The following GOLGA8H variants were observed in gnomAD, a reference collection of about 807,000 sequenced individuals.
GOLGA8H encodes golgin subfamily A member 8H.
GOLGA8H carries 47 observed loss-of-function variants against 82.7 expected under a neutral mutation model. That is an observed-to-expected ratio of 0.57 (90% CI 0.45 to 0.73). The LOEUF is 0.73. GOLGA8H is among the 30% of genes least tolerant of loss of function. The pLI is 0.00. For synonymous variants in GOLGA8H, 108 were observed against 241.6 expected, an observed-to-expected ratio of 0.45 and a Z score of 5.13; for missense variants, 372 against 661.0, an observed-to-expected ratio of 0.56 and a Z score of 4.79.
In GOLGA8H at chr15:30,616,105, G is replaced by T. The variant is rs1288251548; in HGVS notation, c.*1544G>T. On this transcript the variant is annotated 3_prime_UTR_variant, in exon 19 of 19. Coordinates refer to ENST00000566740, the MANE Select transcript of GOLGA8H (RefSeq NM_001282490.2). ...GGGACATATTTTGTGCGATATTTAT[G>T]TGATTGTGCCTATGCATGATGAATG... 1.3e-5 allele frequency among the ~76,000 whole-genome samples: 2 copies of T among 151,974 alleles called. No homozygotes were observed. The highest frequency in any genetic ancestry group is 2.9e-5 in the Non-Finnish European group (2 of 67,992).
chr15:30,606,588 G>C (rs554585883), intron 2 of GOLGA8H, among the ~76,000 whole-genome samples: 12 of 151,874 alleles, frequency 7.9e-5, no homozygotes, highest in Admixed American at 7.2e-4. Context: ...CCCAGGATAT[G>C]GTTTGATTTT....
rs768125745 is a variant in GOLGA8H at position 30,612,614 on chromosome 15, C to T, written c.1218C>T (p.Ala406=). 10 of 1,593,986 alleles carry T rather than the reference C, an allele frequency of 6.3e-6. No homozygotes were observed. The highest frequency in any genetic ancestry group is 8.5e-6 in the Non-Finnish European group (10 of 1,174,840). Residue 406 remains alanine (A), a synonymous_variant, in exon 14 of 19, where the codon GCC becomes GCT. Coordinates refer to ENST00000566740, the MANE Select transcript of GOLGA8H (RefSeq NM_001282490.2). ...EKLGEEHLEA[A]SQQNQQLTAQ... ...CCCCTTAGGAGCACCTGGAAGCTGC[C>T]AGCCAGCAGAACCAGCAGCTAACGG...
chr15:30,610,521 C>T (rs1012623141), intron 11 of GOLGA8H, 132 bp downstream of exon 11: 58 of 654,284 alleles, frequency 8.9e-5, no homozygotes, highest in Middle Eastern at 4.2e-4. Flanking sequence ...TGCCAGGAGA[C>T]GGCGAGTCTT....
At chr15:30,606,025 T>C in intron 2 of GOLGA8H, 63 bp downstream of exon 2, 4 of 1,552,160 alleles carry the variant, frequency 2.6e-6, no homozygotes, top group Non-Finnish European at 3.5e-6. Context: ...AGGGTAATTC[T>C]TAAGATTGTG....
rs2060090021 is a variant in GOLGA8H at position 30,615,162 on chromosome 15, G to A, written c.*601G>A. On this transcript the variant is annotated 3_prime_UTR_variant, in exon 19 of 19. Coordinates refer to ENST00000566740, the MANE Select transcript of GOLGA8H (RefSeq NM_001282490.2). ...CATTTTCTGTGTATTGGTGATGGGA[G>A]TGATAACCTTTTGGGGGAGCTTTTT... 6.6e-6 allele frequency among the ~76,000 whole-genome samples: 1 copy of A among 151,932 alleles called. No homozygotes were observed. Among genetic ancestry groups the A allele is most frequent in the South Asian group, 2.1e-4 (1 of 4,822 alleles).
chr15:30,606,436 A>T (rs891929337), intron 2 of GOLGA8H, among the ~76,000 whole-genome samples: 2 of 151,006 alleles, frequency 1.3e-5, no homozygotes, highest in African/African-American at 2.5e-5. Context: ...GCAAGTTGCT[A>T]GACCTCATCG....
chr15:30,609,771 C>T, intron 8 of GOLGA8H, 35 bp from the exon 9 acceptor site: 3 of 1,547,784 alleles, frequency 1.9e-6, no homozygotes, highest in South Asian at 1.1e-5. Context: ...TGCCCAGGCT[C>T]TCCAGATTGA....
intron 3 of GOLGA8H, 30 bp downstream of exon 3, chr15:30,606,944 CCCTT>C: frequency 6.5e-7 from 1 of 1,547,484 alleles, no homozygotes. Context: ...GGTGCAGTGA[CCCTT>C]CGGGTCAACC....
In GOLGA8H at chr15:30,605,894, AG is replaced by A. The variant is rs757577426; in HGVS notation, c.102del (p.Asn35ThrfsTer38). 2 of 1,587,626 alleles carry A rather than the reference AG, an allele frequency of 1.3e-6. No individual in the cohort carries two copies. Among genetic ancestry groups the A allele is most frequent in the Non-Finnish European group, 8.5e-7 (1 of 1,173,080 alleles). On this transcript the variant is annotated frameshift_variant, in exon 2 of 19. Coordinates refer to ENST00000566740, the MANE Select transcript of GOLGA8H (RefSeq NM_001282490.2). LOFTEE classifies it high-confidence loss of function. ...CCCTAGAGTTCCAGCAGGAGCGAAC[AG>A]GAACAGGAAAACAAATGGCAGTGTC... Reference protein sequence around the residue: ...NSPRVPAGANRNRKTNGSVPE... With the variant: ...NSPRVPAGANXNRKTNGSVPE...
In GOLGA8H at chr15:30,605,954, C is replaced by G. The variant is rs1040482096; in HGVS notation, c.160C>G (p.Pro54Ala). ...AGCCACTTCTGGTGGTTGCCAGCCA[C>G]CTGGGGATGTGAGTCTTGGCTGACC... is the stretch of plus-strand genomic sequence containing the variant. Reference protein sequence around the residue: ...EKATSGGCQPPGDSATGFHRE... With the variant: ...EKATSGGCQPAGDSATGFHRE... The change falls in exon 2 of 19, where the codon CCT becomes GCT. Residue 54 changes from proline (P) to alanine (A), a missense_variant. Pro to Ala is a conservative substitution (Grantham distance 27). Coordinates refer to ENST00000566740, the MANE Select transcript of GOLGA8H (RefSeq NM_001282490.2). 4.4e-6 allele frequency: 7 copies of G among 1,596,536 alleles called. No homozygotes were observed. Among genetic ancestry groups the G allele is most frequent in the Non-Finnish European group, 4.2e-6 (5 of 1,177,180 alleles).
intron 15 of GOLGA8H, chr15:30,613,462 C>G (rs545030433): frequency 1.8e-5 from 2 of 109,678 alleles, no homozygotes; most frequent in East Asian, 4.2e-4. Context: ...TGGCATTTTT[C>G]AAGTCCGCTG....
At chr15:30,606,129 C>T (rs143536437) in intron 2 of GOLGA8H, among the ~76,000 whole-genome samples, 167 bp downstream of exon 2, 33,895 of 151,330 alleles carry the variant, frequency 0.22, 4,595 homozygotes, top group Non-Finnish European at 0.27. Context: ...CCAAGGCAGG[C>T]GGATCATGAG....
At position 30,608,520 on chromosome 15, in the gene GOLGA8H, C is replaced by G. The variant is rs2059961938; in HGVS notation, c.450C>G (p.Tyr150Ter). 2.5e-6 allele frequency: 4 copies of G among 1,610,758 alleles called. No homozygotes were observed. Among genetic ancestry groups the G allele is most frequent in the Non-Finnish European group, 3.4e-6 (4 of 1,179,596 alleles). The change falls in exon 7 of 19, where the codon TAC becomes TAG. Residue 150 changes from tyrosine to a stop codon, truncating the protein, a stop_gained. Transcript: ENST00000566740. LOFTEE classifies it high-confidence loss of function. Reference protein sequence around the residue: ...IQKGKLNTDLYHMKRSLRYFE... With the variant: ...IQKGKLNTDL ...AAGGGAAACTAAATACGGACCTGTACCACATGAAACGTTCTCTCAGATACT... is the reference window on the plus strand; with the variant it reads ...AAGGGAAACTAAATACGGACCTGTAGCACATGAAACGTTCTCTCAGATACT...
In GOLGA8H at chr15:30,616,050, A is replaced by G. The variant is rs893955059; in HGVS notation, c.*1489A>G. Reference sequence around the variant, plus strand: ...CTCACAGACTTCTTTACAAAGTGAAATATGTTTTTGTACCTCTGGGTTTCT... The same window carrying G: ...CTCACAGACTTCTTTACAAAGTGAAGTATGTTTTTGTACCTCTGGGTTTCT... On this transcript the variant is annotated 3_prime_UTR_variant, in exon 19 of 19. Coordinates refer to ENST00000566740, the MANE Select transcript of GOLGA8H (RefSeq NM_001282490.2). 3.9e-5 allele frequency among the ~76,000 whole-genome samples: 6 copies of G among 151,902 alleles called. No homozygotes were observed. The highest frequency in any genetic ancestry group is 1.2e-4 in the African/African-American group (5 of 41,358).
chr15:30,606,769 G>T (rs2140815041), intron 2 of GOLGA8H, 86 bp from the exon 3 acceptor site: 1 of 1,220,084 alleles, frequency 8.2e-7, no homozygotes, highest in East Asian at 2.6e-5. Flanking sequence ...AGAAAATGTT[G>T]CCAGTTGATG....
chr15:30,609,932 C>G, intron 9 of GOLGA8H, 40 bp downstream of exon 9: 1 of 1,578,298 alleles, frequency 6.3e-7, no homozygotes, highest in South Asian at 1.1e-5. Context: ...GGAAGATGAC[C>G]CCAGGTGGCC....
chr15:30,608,968 G>A (rs1257110738), intron 8 of GOLGA8H, among the ~76,000 whole-genome samples: 6 of 118,272 alleles, frequency 5.1e-5, no homozygotes, highest in African/African-American at 1.4e-4. Context: ...AGCACTGGAC[G>A]CAGAGCTTGG....
At position 30,605,965 on chromosome 15, in the gene GOLGA8H, G is replaced by C; in HGVS notation, c.168+3G>C. On this transcript the variant is annotated splice_donor_region_variant and intron_variant, in intron 2 of 18. Coordinates refer to ENST00000566740, the MANE Select transcript of GOLGA8H (RefSeq NM_001282490.2). ...GTGGTTGCCAGCCACCTGGGGATGT[G>C]AGTCTTGGCTGACCAGGCTTCTGGG... is the stretch of plus-strand genomic sequence containing the variant. 1 of 1,595,168 alleles carries C rather than the reference G, an allele frequency of 6.3e-7. No homozygotes were observed.
At chr15:30,607,740 G>C (rs1448256875) in intron 4 of GOLGA8H, 2 of 605,712 alleles carry the variant, frequency 3.3e-6, no homozygotes, top group Non-Finnish European at 2.9e-6. Flanking sequence ...TAAATCACAA[G>C]TTGCCAGAAG....
Sources: gnomAD v4.1 joint callset for allele counts (sites outside exome capture counted in the v4.1 genomes callset) on GRCh38, gnomAD v4.1.1 for gene constraint, MANE v1.5 for transcripts, NCBI Gene and HGNC (gene_info 2026-07-23, HGNC 2026-07-21) for gene names.